The following NCR1 variants were observed in gnomAD, a reference collection of about 807,000 sequenced individuals.
NCR1 encodes natural cytotoxicity triggering receptor 1.
NCR1 carries 30 observed loss-of-function variants against 32.5 expected under a neutral mutation model. The observed-to-expected ratio is 0.92, with a 90% CI of 0.69 to 1.25. The LOEUF (loss-of-function observed/expected upper bound fraction) is 1.25, where lower values mean the gene tolerates loss of function less well. Ranked by LOEUF, NCR1 falls within the 50% of genes most tolerant of loss-of-function variation. NCR1 has a pLI of 0.00. For missense variants in NCR1, 369 were observed against 380.7 expected (o/e 0.97, Z 0.26); for synonymous variants, 169 against 143.4 (o/e 1.18, Z -1.28).
upstream of NCR1, among the ~76,000 whole-genome samples, chr19:54,903,046 C>T (rs1033006569): frequency 1.3e-5 from 2 of 151,948 alleles, no homozygotes; most frequent in African/African-American, 2.4e-5. Flanking sequence ...AGGAGAATTG[C>T]TTGAACCCAG....
At chr19:54,907,229 C>G (rs1430408791) in intron 3 of NCR1, among the ~76,000 whole-genome samples, 1 of 150,858 alleles carries the variant, frequency 6.6e-6, no homozygotes, top group African/African-American at 2.4e-5. Context: ...AATCTCCAGT[C>G]ACTGCAACCT....
At chr19:54,903,695 A>G (rs1214592338), upstream of NCR1, among the ~76,000 whole-genome samples, 1 of 148,934 alleles carries the variant, frequency 6.7e-6, no homozygotes, top group Non-Finnish European at 1.5e-5. Flanking sequence ...ATATATGTGT[A>G]TATATATAAA....
chr19:54,927,727 A>C, the NCR1 span: 1 of 1,614,140 alleles, frequency 6.2e-7, no homozygotes. Context: ...TGAGGAGAGC[A>C]GATCCAAGAT....
At chr19:54,922,583 GCCTGGCC>G in the NCR1 span, among the ~76,000 whole-genome samples, 1 of 151,876 alleles carries the variant, frequency 6.6e-6, no homozygotes, top group Non-Finnish European at 1.5e-5. Flanking sequence ...TCCGAGAACA[GCCTGGCC>G]AACATTGTGA....
At chr19:54,927,597 A>C in the NCR1 span, 1 of 1,613,414 alleles carries the variant, frequency 6.2e-7, no homozygotes, top group Non-Finnish European at 8.5e-7. Context: ...AAAACAAAAA[A>C]CCCATACCTG....
chr19:54,930,652 C>A, the NCR1 span: 4 of 1,613,348 alleles, frequency 2.5e-6, no homozygotes, highest in Admixed American at 6.7e-5. Flanking sequence ...CTTGGTTATG[C>A]TGCATTGCTG....
chr19:54,922,085 G>A, the NCR1 span, among the ~76,000 whole-genome samples: 4 of 151,856 alleles, frequency 2.6e-5, no homozygotes, highest in South Asian at 2.1e-4. Flanking sequence ...TAGTAGAGAC[G>A]GGGTTTCTCC....
upstream of NCR1, among the ~76,000 whole-genome samples, chr19:54,904,531 C>CTTTTTTTTTT (rs1556717280): frequency 8.4e-6 from 1 of 118,994 alleles, no homozygotes; most frequent in Non-Finnish European, 1.8e-5. Context: ...GTTTTCTTTT[C>CTTTTTTTTTT]TTTTTTTTTT....
chr19:54,903,523 T>C (rs1008209432), upstream of NCR1, among the ~76,000 whole-genome samples: 3 of 141,890 alleles, frequency 2.1e-5, no homozygotes, highest in Non-Finnish European at 3.1e-5. Context: ...TACATGTGTG[T>C]ATACATATAT....
At chr19:54,903,396 GTA>G (rs1439502348), upstream of NCR1, among the ~76,000 whole-genome samples, 7 of 135,070 alleles carry the variant, frequency 5.2e-5, no homozygotes, top group South Asian at 2.3e-4. Context: ...ATACATATAT[GTA>G]TATGTATGTA....
upstream of NCR1, among the ~76,000 whole-genome samples, chr19:54,902,898 A>G (rs138328893): frequency 0.056 from 8,537 of 152,126 alleles, 301 homozygotes; most frequent in Middle Eastern, 0.12. Context: ...GGGAGGCTAA[A>G]GTGGGCTGAT....
intron 4 of NCR1, among the ~76,000 whole-genome samples, 170 bp from the exon 5 acceptor site, chr19:54,909,845 GAAT>G (rs955018728): frequency 7.0e-6 from 1 of 142,212 alleles, no homozygotes; most frequent in Non-Finnish European, 1.5e-5. Context: ...TGAGGCAGGA[GAAT>G]CGCTTGAACC....
chr19:54,915,822 A>G (rs2068120458), downstream of NCR1: 1 of 144,926 alleles, frequency 6.9e-6, no homozygotes, highest in Non-Finnish European at 1.5e-5. Flanking sequence ...AGCCTGGGCG[A>G]CAGAGCGAGA....
At chr19:54,906,919 C>A in intron 3 of NCR1, 112 bp downstream of exon 3, 1 of 1,303,406 alleles carries the variant, frequency 7.7e-7, no homozygotes, top group South Asian at 1.4e-5. Flanking sequence ...CGGTAGGAGG[C>A]TGGAAGGAGG....
chr19:54,930,115 C>CAA, the NCR1 span, among the ~76,000 whole-genome samples: 1,627 of 100,470 alleles, frequency 0.016, 52 homozygotes, highest in East Asian at 0.12. Context: ...GGCTCCGTCT[C>CAA]AAAAAAAAAA....
chr19:54,922,712 C>T, the NCR1 span, among the ~76,000 whole-genome samples: 4 of 137,134 alleles, frequency 2.9e-5, no homozygotes, highest in Non-Finnish European at 3.1e-5. Flanking sequence ...CTGGGAGGCG[C>T]GGTTGCAGTG....
downstream of NCR1, among the ~76,000 whole-genome samples, chr19:54,916,317 C>CTTTTTTTTTTTTTTTTTTTTTTTTTTTT (rs71181711): frequency 3.2e-4 from 28 of 87,104 alleles, 3 homozygotes; most frequent in Non-Finnish European, 5.2e-4. Flanking sequence ...GAATATTGTG[C>CTTTTTTTTTTTTTTTTTTTTTTTTTTTT]TTTTTTTTTT....
chr19:54,916,774 G>A (rs759350597), downstream of NCR1, among the ~76,000 whole-genome samples: 5 of 123,600 alleles, frequency 4.0e-5, no homozygotes, highest in South Asian at 2.6e-4. Flanking sequence ...CTGCAATCTC[G>A]GATCACTGCA....
chr19:54,913,747 C>T (rs1462830731), downstream of NCR1, among the ~76,000 whole-genome samples: 1 of 151,376 alleles, frequency 6.6e-6, no homozygotes, highest in Non-Finnish European at 1.5e-5. Context: ...GCCTGGCCAA[C>T]ATGATGAAAC....
Sources: gnomAD v4.1 joint callset for allele counts (sites outside exome capture counted in the v4.1 genomes callset) on GRCh38, gnomAD v4.1.1 for gene constraint, MANE v1.5 for transcripts, NCBI Gene and HGNC (gene_info 2026-07-23, HGNC 2026-07-21) for gene names.